The following NXPE2 variants were observed in gnomAD, a reference collection of about 807,000 sequenced individuals.
NXPE2 encodes neurexophilin and PC-esterase domain family member 2.
In NXPE2, 34 loss-of-function variants were observed where a neutral mutation model predicts 34.4. The ratio of observed to expected loss-of-function variants is 0.99; its 90% confidence interval spans 0.75 to 1.31. The LOEUF is 1.31. Ranked by LOEUF, NXPE2 falls within the 40% of genes most tolerant of loss-of-function variation. NXPE2 has a pLI of 0.00. For synonymous variants in NXPE2, 235 were observed against 231.3 expected (o/e 1.02, Z -0.15); for missense variants, 649 against 672.5 (o/e 0.97, Z 0.39).
chr11:114,632,436 A>G, the NXPE2 span, among the ~76,000 whole-genome samples: 4 of 131,138 alleles, frequency 3.1e-5, no homozygotes, highest in Non-Finnish European at 6.2e-5. Context: ...ATATAAATAT[A>G]TAATATATAA....
At chr11:114,507,162 G>C in the NXPE2 span, among the ~76,000 whole-genome samples, 1 of 147,076 alleles carries the variant, frequency 6.8e-6, no homozygotes, top group Non-Finnish European at 1.5e-5. Context: ...ACACTCCCAA[G>C]ACTGAACCAG....
chr11:114,543,931 T>C, the NXPE2 span, among the ~76,000 whole-genome samples: 1 of 152,160 alleles, frequency 6.6e-6, no homozygotes, highest in African/African-American at 2.4e-5. Context: ...TTTTGCTATA[T>C]ACTAGCAATG....
At chr11:114,491,578 C>A in the NXPE2 span, among the ~76,000 whole-genome samples, 1 of 152,122 alleles carries the variant, frequency 6.6e-6, no homozygotes, top group African/African-American at 2.4e-5. Context: ...AAACTTGTTC[C>A]ACCATTGTGG....
chr11:114,637,924 A>G, the NXPE2 span, among the ~76,000 whole-genome samples: 1 of 151,868 alleles, frequency 6.6e-6, no homozygotes, highest in Non-Finnish European at 1.5e-5. Flanking sequence ...ACTTTGGTGA[A>G]TCTGACAATT....
the NXPE2 span, among the ~76,000 whole-genome samples, chr11:114,608,351 G>A: frequency 6.6e-6 from 1 of 151,834 alleles, no homozygotes; most frequent in Non-Finnish European, 1.5e-5. Context: ...GTTGCCACGT[G>A]GGTAACAACT....
the NXPE2 span, among the ~76,000 whole-genome samples, chr11:114,641,592 C>A: frequency 1.3e-5 from 2 of 151,878 alleles, no homozygotes; most frequent in Admixed American, 6.6e-5. Context: ...GTGTCCAAGT[C>A]AAGAATAGGA....
chr11:114,733,775 G>A, the NXPE2 span, among the ~76,000 whole-genome samples: 1 of 152,036 alleles, frequency 6.6e-6, no homozygotes, highest in Non-Finnish European at 1.5e-5. Flanking sequence ...TTTTGCCAGG[G>A]GTCTTTCTAA....
chr11:114,550,678 G>T, the NXPE2 span, among the ~76,000 whole-genome samples: 2 of 152,098 alleles, frequency 1.3e-5, no homozygotes, highest in African/African-American at 4.8e-5. Context: ...CTTTCTAACT[G>T]TGACTTAACA....
the NXPE2 span, among the ~76,000 whole-genome samples, chr11:114,660,619 G>A: frequency 4.0e-5 from 6 of 151,884 alleles, no homozygotes; most frequent in African/African-American, 7.3e-5. Context: ...TTCTTAACTC[G>A]ATAAAGGCAT....
chr11:114,579,607 T>C, the NXPE2 span, among the ~76,000 whole-genome samples: 2 of 152,340 alleles, frequency 1.3e-5, no homozygotes, highest in South Asian at 2.1e-4. Flanking sequence ...AGAGAAGTTA[T>C]GTAAGAAACA....
the NXPE2 span, among the ~76,000 whole-genome samples, chr11:114,783,983 A>G: frequency 1.3e-5 from 2 of 152,204 alleles, no homozygotes; most frequent in African/African-American, 4.8e-5. Flanking sequence ...GCCTCCTTGT[A>G]AAAGGAGAGG....
chr11:114,540,479 ATGTAT>A, the NXPE2 span, among the ~76,000 whole-genome samples: 7 of 152,212 alleles, frequency 4.6e-5, no homozygotes, highest in Non-Finnish European at 8.8e-5. Flanking sequence ...ACATAAATAC[ATGTAT>A]TGAATAAGAA....
the NXPE2 span, among the ~76,000 whole-genome samples, chr11:114,601,064 C>A: frequency 1.3e-5 from 2 of 151,844 alleles, no homozygotes; most frequent in African/African-American, 2.4e-5. Context: ...CTATCAATGT[C>A]ACACTGTTGT....
chr11:114,661,778 G>C, the NXPE2 span, among the ~76,000 whole-genome samples: 13,982 of 152,262 alleles, frequency 0.092, 767 homozygotes, highest in Middle Eastern at 0.2. Context: ...AAACTTGCTA[G>C]GAAGCTATAG....
chr11:114,695,584 T>C (rs369772524), intron 2 of NXPE2, among the ~76,000 whole-genome samples: 18 of 152,024 alleles, frequency 1.2e-4, no homozygotes, highest in African/African-American at 3.6e-4. Flanking sequence ...AATAGTGGCA[T>C]CGGAACTAGA....
chr11:114,752,874 T>G, the NXPE2 span, among the ~76,000 whole-genome samples: 1 of 152,050 alleles, frequency 6.6e-6, no homozygotes, highest in Non-Finnish European at 1.5e-5. Context: ...TTTACGAGTA[T>G]CCAGGATATT....
chr11:114,805,473 C>T, the NXPE2 span, among the ~76,000 whole-genome samples: 2 of 152,306 alleles, frequency 1.3e-5, no homozygotes, highest in East Asian at 3.9e-4. Context: ...CCTGGAAAAT[C>T]GGGTCACTCC....
the NXPE2 span, among the ~76,000 whole-genome samples, chr11:114,517,620 C>A: frequency 1.3e-5 from 2 of 152,162 alleles, no homozygotes; most frequent in Non-Finnish European, 2.9e-5. Context: ...GTGCTGGGCC[C>A]AGTGCTAAGG....
At chr11:114,629,405 A>G in the NXPE2 span, among the ~76,000 whole-genome samples, 1 of 151,940 alleles carries the variant, frequency 6.6e-6, no homozygotes, top group Non-Finnish European at 1.5e-5. Context: ...TATAAACAGA[A>G]CCAAAGACAA....
Sources: allele counts gnomAD v4.1 joint callset (sites outside exome capture counted in the v4.1 genomes callset), GRCh38; gene constraint gnomAD v4.1.1; transcripts MANE v1.5; gene names NCBI Gene and HGNC (gene_info 2026-07-23, HGNC 2026-07-21).